ZNF521: variants seen among roughly 807,000 people sequenced by gnomAD.
ZNF521 encodes the protein zinc finger protein 521, also known as LYST-interacting protein 3.
In ZNF521, 14 loss-of-function variants were observed where a neutral mutation model predicts 105.5. The ratio of observed to expected loss-of-function variants is 0.13; its 90% CI spans 0.09 to 0.21. ZNF521 has a LOEUF of 0.21. ZNF521 is among the 10% of genes least tolerant of loss of function. ZNF521 has a pLI of 1.00. For missense variants in ZNF521, 1,233 were observed against 1,629.7 expected (o/e 0.76, Z 4.19); for synonymous variants, 635 against 606.0 (o/e 1.05, Z -0.70).
intron 5 of ZNF521, among the ~76,000 whole-genome samples, chr18:25,095,023 T>C (rs1020623623): frequency 5.3e-5 from 8 of 152,172 alleles, no homozygotes; most frequent in African/African-American, 1.9e-4. Flanking sequence ...ATTCCATATT[T>C]ACCTTTGTAT....
At chr18:25,248,240 T>C in intron 3 of ZNF521, among the ~76,000 whole-genome samples, 1 of 152,196 alleles carries the variant, frequency 6.6e-6, no homozygotes, top group East Asian at 1.9e-4. Context: ...GAGTTTGACA[T>C]GTATGTCCCA....
At chr18:25,150,463 T>C (rs1459331226) in intron 5 of ZNF521, among the ~76,000 whole-genome samples, 1 of 152,074 alleles carries the variant, frequency 6.6e-6, no homozygotes, top group Middle Eastern at 3.2e-3. Flanking sequence ...AATAAATAAG[T>C]ACAGGCTAAA....
intron 3 of ZNF521, among the ~76,000 whole-genome samples, chr18:25,237,480 T>G (rs1421562730): frequency 6.6e-6 from 1 of 152,132 alleles, no homozygotes; most frequent in East Asian, 1.9e-4. Flanking sequence ...TGATACATCT[T>G]GGCAAATATT....
intron 1 of ZNF521, chr18:25,351,260 A>AG (rs1174590345): frequency 6.7e-6 from 1 of 149,834 alleles, no homozygotes; most frequent in African/African-American, 2.4e-5. Context: ...AAAGGAAAGG[A>AG]GGGAAAAAAA....
chr18:25,275,525 GAT>G (rs1346220447), intron 3 of ZNF521, among the ~76,000 whole-genome samples: 1 of 152,178 alleles, frequency 6.6e-6, no homozygotes. Context: ...TTACTCTTAA[GAT>G]AACAAAGATT....
At chr18:25,105,809 G>T (rs1477445959) in intron 5 of ZNF521, among the ~76,000 whole-genome samples, 2 of 152,126 alleles carry the variant, frequency 1.3e-5, no homozygotes, top group Admixed American at 6.6e-5. Flanking sequence ...CGTGTATGAT[G>T]CTTAGTTTAC....
intron 5 of ZNF521, among the ~76,000 whole-genome samples, chr18:25,111,657 T>G (rs951890959): frequency 6.6e-6 from 1 of 152,176 alleles, no homozygotes; most frequent in Non-Finnish European, 1.5e-5. Context: ...TGTGTGCCAA[T>G]GTGATGCTTT....
At chr18:25,330,886 TGACACAAGG>T (rs1246808577) in intron 2 of ZNF521, among the ~76,000 whole-genome samples, 1 of 152,118 alleles carries the variant, frequency 6.6e-6, no homozygotes, top group Non-Finnish European at 1.5e-5. Context: ...GGGAAAGAGA[TGACACAAGG>T]GTGAAATGGG....
At chr18:25,171,524 T>A (rs1383227279) in intron 5 of ZNF521, among the ~76,000 whole-genome samples, 1 of 152,194 alleles carries the variant, frequency 6.6e-6, no homozygotes, top group Non-Finnish European at 1.5e-5. Flanking sequence ...GACAGATTTA[T>A]AATCTTTTCC....
chr18:25,063,638 G>A (rs1010283551), intron 7 of ZNF521, among the ~76,000 whole-genome samples: 2 of 152,186 alleles, frequency 1.3e-5, no homozygotes, highest in Admixed American at 6.5e-5. Flanking sequence ...CAGGGAGCAG[G>A]CAGTTTGCTA....
At chr18:25,081,538 T>C (rs1275704525) in intron 7 of ZNF521, among the ~76,000 whole-genome samples, 2 of 152,136 alleles carry the variant, frequency 1.3e-5, no homozygotes, top group Non-Finnish European at 2.9e-5. Context: ...CCAGGACACA[T>C]GGTGAAGCAG....
chr18:25,192,643 C>T (rs2035837389), intron 5 of ZNF521, among the ~76,000 whole-genome samples: 1 of 151,710 alleles, frequency 6.6e-6, no homozygotes, highest in Non-Finnish European at 1.5e-5. Flanking sequence ...AGTCCCTAAT[C>T]CCCCTTCCTC....
At chr18:25,254,430 G>A (rs1050712894) in intron 3 of ZNF521, among the ~76,000 whole-genome samples, 1 of 152,246 alleles carries the variant, frequency 6.6e-6, no homozygotes, top group Middle Eastern at 3.4e-3. Flanking sequence ...CAGGACAGCT[G>A]TCTATAATTT....
intron 7 of ZNF521, among the ~76,000 whole-genome samples, chr18:25,077,824 C>A (rs951501478): frequency 1.3e-5 from 2 of 151,724 alleles, no homozygotes; most frequent in Admixed American, 6.6e-5. Context: ...AGGAAGACAA[C>A]GAAGAAGAGG....
chr18:25,306,911 T>C (rs1002394440), intron 3 of ZNF521, among the ~76,000 whole-genome samples: 1 of 150,894 alleles, frequency 6.6e-6, no homozygotes, highest in Non-Finnish European at 1.5e-5. Flanking sequence ...CTGGCCTAAG[T>C]ACACAACTGG....
Position 25,247,623 on chromosome 18 carries a change from A to G in ZNF521, c.221-19926T>C, listed in dbSNP as rs540418276. ...CAGGTTCAAGTGCCACTGGACTAGA[A>G]CATAGAATTTGTGAGAGGAAGTAGA... On this transcript the variant is annotated intron_variant, in intron 3 of 7. Coordinates refer to ENST00000361524, the MANE Select transcript of ZNF521 (RefSeq NM_015461.3). Among the ~76,000 whole-genome samples, 112 of 152,336 alleles carry G rather than the reference A, an allele frequency of 7.4e-4. 1 individual carries two copies. Among genetic ancestry groups the G allele is most frequent in the African/African-American group, 2.7e-3 (111 of 41,578 alleles).
At chr18:25,173,898 T>C (rs1193691046) in intron 5 of ZNF521, among the ~76,000 whole-genome samples, 1 of 152,234 alleles carries the variant, frequency 6.6e-6, no homozygotes, top group African/African-American at 2.4e-5. Flanking sequence ...TCAGCAATAA[T>C]ACTCTGTAAA....
intron 4 of ZNF521, among the ~76,000 whole-genome samples, chr18:25,199,002 T>A (rs768501650): frequency 7.2e-5 from 11 of 151,964 alleles, no homozygotes; most frequent in Admixed American, 2.0e-4. Context: ...GGAAATGACG[T>A]GACATTGTGT....
chr18:25,269,106 CAAAAA>C (rs199827639), intron 3 of ZNF521, among the ~76,000 whole-genome samples: 3 of 60,772 alleles, frequency 4.9e-5, no homozygotes, highest in African/African-American at 1.0e-4. Flanking sequence ...AAATGGAAAG[CAAAAA>C]AAAAAAAAAA....
Sources: allele counts gnomAD v4.1 joint callset (sites outside exome capture counted in the v4.1 genomes callset), GRCh38; gene constraint gnomAD v4.1.1; transcripts MANE v1.5; gene names NCBI Gene and HGNC (gene_info 2026-07-23, HGNC 2026-07-21).